MEF2C: variants seen among roughly 807,000 people sequenced by gnomAD.
MEF2C encodes myocyte-specific enhancer factor 2C.
Under a neutral mutation model 50.5 loss-of-function variants are expected in MEF2C, and 6 were observed. The observed-to-expected ratio is 0.12, with a 90% CI of 0.07 to 0.23. The LOEUF (loss-of-function observed/expected upper bound fraction) is 0.23. Ranked by LOEUF, MEF2C falls within the 10% of genes least tolerant of loss-of-function variation. The pLI is 1.00. For synonymous variants in MEF2C, 183 were observed against 228.0 expected, an observed-to-expected ratio of 0.80 and a Z score of 1.78; for missense variants, 276 against 605.0, an observed-to-expected ratio of 0.46 and a Z score of 5.70.
intron 6 of MEF2C, chr5:88,740,033 T>C: frequency 1.0e-6 from 1 of 985,338 alleles, no homozygotes; most frequent in Non-Finnish European, 1.2e-6. Context: ...TGGTATATTC[T>C]TAGAGAAATA....
intron 4 of MEF2C, among the ~76,000 whole-genome samples, chr5:88,754,935 C>T (rs990480931): frequency 6.6e-6 from 1 of 152,144 alleles, no homozygotes; most frequent in East Asian, 1.9e-4. Flanking sequence ...ATTTCCATGA[C>T]GAACTGCATC....
chr5:88,873,306 T>C (rs757025350), intron 1 of MEF2C, among the ~76,000 whole-genome samples: 1 of 152,108 alleles, frequency 6.6e-6, no homozygotes, highest in Non-Finnish European at 1.5e-5. Flanking sequence ...GACATGGCAT[T>C]GGGCTGTGAT....
chr5:88,871,005 A>G (rs1350977262), intron 1 of MEF2C, among the ~76,000 whole-genome samples: 3 of 152,128 alleles, frequency 2.0e-5, no homozygotes, highest in Non-Finnish European at 4.4e-5. Context: ...GATCAACCAC[A>G]GTATTGTTTA....
chr5:88,850,211 A>C (rs1423654536), intron 1 of MEF2C, among the ~76,000 whole-genome samples: 2 of 152,090 alleles, frequency 1.3e-5, no homozygotes. Flanking sequence ...TCAAAGCAAA[A>C]TTTCTTGACT....
At chr5:88,813,971 A>ATC (rs1411973253) in intron 2 of MEF2C, among the ~76,000 whole-genome samples, 1 of 151,988 alleles carries the variant, frequency 6.6e-6, no homozygotes, top group Admixed American at 6.6e-5. Flanking sequence ...CACCTAGATA[A>ATC]TCTCTCAGTT....
intron 3 of MEF2C, chr5:88,782,125 G>A: frequency 2.1e-6 from 2 of 973,358 alleles, no homozygotes; most frequent in Non-Finnish European, 2.4e-6. Context: ...AAATTTATAA[G>A]ATTTTGATTT....
chr5:88,879,151 G>A (rs2150050684), intron 1 of MEF2C, among the ~76,000 whole-genome samples: 1 of 151,878 alleles, frequency 6.6e-6, no homozygotes, highest in African/African-American at 2.4e-5. Context: ...TACATTTATG[G>A]GTGACTCATT....
intron 1 of MEF2C, among the ~76,000 whole-genome samples, chr5:88,848,264 A>T (rs1190795367): frequency 6.6e-6 from 1 of 152,190 alleles, no homozygotes; most frequent in Admixed American, 6.5e-5. Context: ...TATTTGAAAG[A>T]CCAAAGTTAT....
intron 1 of MEF2C, among the ~76,000 whole-genome samples, chr5:88,853,603 T>TA (rs1208245931): frequency 2.2e-4 from 33 of 152,236 alleles, no homozygotes; most frequent in African/African-American, 7.7e-4. Flanking sequence ...AAGTAAAACT[T>TA]AGTGATTTGA....
chr5:88,738,884 AAAT>A (rs1160212074), intron 6 of MEF2C: 1 of 985,222 alleles, frequency 1.0e-6, no homozygotes, highest in African/African-American at 1.7e-5. Context: ...CTGGATAAAT[AAAT>A]ATTTACAAGT....
At position 88,746,035 on chromosome 5, in the gene MEF2C, G is replaced by A. The variant is rs145404679; in HGVS notation, c.637+3035C>T. ...AGTAGAGCTGGAGGGCCGGGTTCTT[G>A]ATAGCAGTGGCAGAAGGGAAGAAGG... On this transcript the variant is annotated intron_variant, in intron 6 of 10. Coordinates refer to ENST00000504921, the MANE Select transcript of MEF2C (RefSeq NM_002397.5). Among the ~76,000 whole-genome samples the A allele has an allele frequency of 7.0e-3, 1,069 of 152,332 alleles. 7 individuals are homozygous for A. The highest frequency in any genetic ancestry group is 0.011 in the Non-Finnish European group (725 of 68,024).
intron 3 of MEF2C, among the ~76,000 whole-genome samples, chr5:88,789,117 C>T (rs1226290007): frequency 6.6e-6 from 1 of 151,192 alleles, no homozygotes; most frequent in Non-Finnish European, 1.5e-5. Context: ...AAATAAGTTA[C>T]TATTATTAAA....
In MEF2C at chr5:88,761,067, G is replaced by A. The variant is rs763051878; in HGVS notation, c.402+118C>T. The A allele has an allele frequency of 7.4e-6, 12 of 1,613,950 alleles. No individual in the cohort carries two copies. In the South Asian group the frequency reaches 1.1e-4, roughly 15 times the overall value. ...TTTTTCTTCAGTGCGTGGGGTGAGTGCATAAGAGGAGTCGGGATCGGGGCT... is the reference window on the plus strand; with the variant it reads ...TTTTTCTTCAGTGCGTGGGGTGAGTACATAAGAGGAGTCGGGATCGGGGCT... On this transcript the variant is annotated intron_variant, in intron 4 of 10. Transcript: ENST00000504921.
chr5:88,850,860 C>G (rs1227314126), intron 1 of MEF2C, among the ~76,000 whole-genome samples: 1 of 152,036 alleles, frequency 6.6e-6, no homozygotes, highest in East Asian at 1.9e-4. Flanking sequence ...CCACCCGAGA[C>G]AGCAAGACCA....
chr5:88,721,185 A>G lies in MEF2C; in HGVS notation c.*1419T>C, dbSNP rs1186505962. 6.6e-6 allele frequency: 1 copy of G among 152,668 alleles called. No homozygotes were observed. 9.5% of individuals were successfully genotyped at this position (152,668 alleles called of 1,614,324 possible). A position where few individuals can be genotyped will look rare whatever the true frequency, so the allele number is the denominator to read the frequency against. ...TGGGCATATTTCTAAAAAGCGTATC[A>G]AATTCTAGGCTGAAAACCAACCAGA... On this transcript the variant is annotated 3_prime_UTR_variant, in exon 11 of 11. Transcript: ENST00000504921.
rs1278323858 is a variant in MEF2C, at chr5:88,722,586, TAGTA to T, written c.*14_*17del. ...CACACTGCAAGAAAAAAAAAAAAAC[TAGTA>T]AGTAATAATCTGATCATGTTGCCCA... On this transcript the variant is annotated 3_prime_UTR_variant, in exon 11 of 11. Coordinates refer to ENST00000504921, the MANE Select transcript of MEF2C (RefSeq NM_002397.5). The T allele has an allele frequency of 6.4e-7, 1 of 1,557,488 alleles. No individual in the cohort carries two copies. The highest frequency in any genetic ancestry group is 1.4e-5 in the African/African-American group (1 of 69,890).
chr5:88,736,759 G>A (rs541734783), intron 6 of MEF2C: 1 of 985,212 alleles, frequency 1.0e-6, no homozygotes, highest in Non-Finnish European at 1.2e-6. Context: ...TGCCCTGCCT[G>A]GCTCTCAGAA....
At chr5:88,756,475 A>T (rs540467178) in intron 4 of MEF2C, among the ~76,000 whole-genome samples, 2 of 152,362 alleles carry the variant, frequency 1.3e-5, no homozygotes, top group African/African-American at 4.8e-5. Context: ...TTATAAGCTT[A>T]AAAATGAGCA....
chr5:88,747,314 AT>A (rs72065967), intron 6 of MEF2C, among the ~76,000 whole-genome samples: 824 of 22,178 alleles, frequency 0.037, 126 homozygotes, highest in African/African-American at 0.06. Context: ...TTTCCTCCAC[AT>A]TTTTTTTTTT....
Sources: gnomAD v4.1 joint callset for allele counts (sites outside exome capture counted in the v4.1 genomes callset) on GRCh38, gnomAD v4.1.1 for gene constraint, MANE v1.5 for transcripts, NCBI Gene and HGNC (gene_info 2026-07-23, HGNC 2026-07-21) for gene names.